Variants in CCDC3 observed in about 807,000 individuals in gnomAD.
CCDC3 encodes the protein coiled-coil domain-containing protein 3.
A neutral mutation model predicts 21.4 loss-of-function variants in CCDC3; 24 were observed. The observed-to-expected ratio is 1.12, with a 90% confidence interval of 0.81 to 1.58. The LOEUF is 1.58. Ranked by LOEUF, CCDC3 falls within the 40% of genes most tolerant of loss-of-function variation. The pLI, the probability that CCDC3 is intolerant of heterozygous loss-of-function variation, is 0.00. For synonymous variants in CCDC3, 186 were observed against 166.0 expected (o/e 1.12, Z -0.93); for missense variants, 425 against 360.9 (o/e 1.18, Z -1.44).
At chr10:13,010,650 C>T (rs1244735270) in intron 5 of CCDC3, among the ~76,000 whole-genome samples, 2 of 152,148 alleles carry the variant, frequency 1.3e-5, no homozygotes, top group Non-Finnish European at 1.5e-5. Flanking sequence ...TATAAAGACT[C>T]GTATATGAAT....
intron 5 of CCDC3, among the ~76,000 whole-genome samples, chr10:13,039,241 C>A (rs750036324): frequency 1.5e-4 from 23 of 152,050 alleles, no homozygotes; most frequent in Non-Finnish European, 2.2e-4. Context: ...CATAGTGAAA[C>A]CCCGTTTCTA....
At chr10:13,072,804 G>C (rs552891926) in intron 4 of CCDC3, among the ~76,000 whole-genome samples, 44 of 151,546 alleles carry the variant, frequency 2.9e-4, no homozygotes, top group South Asian at 6.2e-4. Flanking sequence ...GCAAAATTCT[G>C]CAACAATGAT....
intron 2 of CCDC3, among the ~76,000 whole-genome samples, chr10:12,940,226 ATTGTTTTTTT>A (rs897652051): frequency 8.4e-5 from 9 of 107,002 alleles, no homozygotes; most frequent in South Asian, 4.4e-4. Context: ...AATCATTGAA[ATTGTTTTTTT>A]TTTTTTTTTT....
intron 3 of CCDC3, chr10:13,074,154 T>TATATA (rs1491463766): frequency 1.8e-4 from 7 of 39,936 alleles, no homozygotes; most frequent in African/African-American, 8.6e-4. Context: ...TATATATATA[T>TATATA]TTTTTTTTTT....
At chr10:12,904,547 A>G (rs1049363409) in intron 2 of CCDC3, among the ~76,000 whole-genome samples, 1 of 147,580 alleles carries the variant, frequency 6.8e-6, no homozygotes, top group Admixed American at 6.8e-5. Flanking sequence ...ACCACAGGCC[A>G]ATGGGGAGGG....
At chr10:13,090,498 G>A (rs1182203765) in intron 3 of CCDC3, among the ~76,000 whole-genome samples, 2 of 152,194 alleles carry the variant, frequency 1.3e-5, no homozygotes, top group East Asian at 1.9e-4. Context: ...TCTCTGAGAA[G>A]GACTAAGTCC....
In CCDC3 at chr10:13,080,206, A is replaced by C. The variant is rs560256802; in HGVS notation, c.-502-6106T>G. 4.6e-5 allele frequency among the ~76,000 whole-genome samples: 7 copies of C among 152,270 alleles called. No homozygotes were observed. In the South Asian group the frequency reaches 1.5e-3, roughly 32 times the overall value. ...AACGGGATGGCAAAGAGAGAGAGAG[A>C]GAGAGCGAGAGCGAGCAAATGAAAG... is the stretch of plus-strand genomic sequence containing the variant. On this transcript the variant is annotated intron_variant, in intron 3 of 6. Coordinates refer to the CCDC3 transcript ENST00000378839.
At chr10:12,898,810 T>C in intron 2 of CCDC3, 131 bp from the exon 3 acceptor site, 1 of 1,080,018 alleles carries the variant, frequency 9.3e-7, no homozygotes, top group Non-Finnish European at 1.3e-6. Flanking sequence ...AGCATGGGCA[T>C]AAACCCCAGG....
intron 3 of CCDC3, among the ~76,000 whole-genome samples, chr10:13,087,429 G>A (rs965723548): frequency 3.3e-5 from 5 of 150,320 alleles, no homozygotes; most frequent in African/African-American, 1.2e-4. Context: ...AATGGTGCTA[G>A]GAACAGTGCT....
At chr10:13,014,843 A>T (rs1836031993) in intron 5 of CCDC3, among the ~76,000 whole-genome samples, 1 of 152,168 alleles carries the variant, frequency 6.6e-6, no homozygotes, top group Admixed American at 6.5e-5. Flanking sequence ...ACAGATATTT[A>T]AAAAGTATAT....
intron 2 of CCDC3, among the ~76,000 whole-genome samples, chr10:12,968,437 A>G (rs1263400036): frequency 6.6e-6 from 1 of 152,228 alleles, no homozygotes; most frequent in East Asian, 1.9e-4. Flanking sequence ...CCAACAAACA[A>G]AAGCTTAGTA....
At chr10:13,040,687 T>TCACTCACACA (rs1554763772) in intron 5 of CCDC3, among the ~76,000 whole-genome samples, 21 of 142,850 alleles carry the variant, frequency 1.5e-4, no homozygotes, top group African/African-American at 5.5e-4. Context: ...CAAAACTCTG[T>TCACTCACACA]CACACACACA....
chr10:12,905,453 G>A (rs1045425869), intron 2 of CCDC3, among the ~76,000 whole-genome samples: 1 of 152,208 alleles, frequency 6.6e-6, no homozygotes, highest in African/African-American at 2.4e-5. Context: ...GATGGGTTTG[G>A]AGGGCAGCTG....
chr10:13,000,674 T>G (rs989681599), intron 1 of CCDC3, among the ~76,000 whole-genome samples: 2 of 152,148 alleles, frequency 1.3e-5, no homozygotes, highest in African/African-American at 4.8e-5. Context: ...CTGGTCAACT[T>G]CTAACCTGCA....
At chr10:12,899,336 CAG>C (rs1336228335) in intron 2 of CCDC3, among the ~76,000 whole-genome samples, 20 of 152,278 alleles carry the variant, frequency 1.3e-4, no homozygotes, top group African/African-American at 4.6e-4. Context: ...GGCAAAATTT[CAG>C]AGTCAGGATT....
rs575318649 is a variant in CCDC3 at position 12,973,645 on chromosome 10, G to A, written c.549+24693C>T. On this transcript the variant is annotated intron_variant, in intron 2 of 2. Transcript: ENST00000378825. Reference sequence around the variant, plus strand: ...CAGTTTCCTTTTACTCACTGTACTCGTTACCCAACTTCTACTGGACTTGGG... The same window carrying A: ...CAGTTTCCTTTTACTCACTGTACTCATTACCCAACTTCTACTGGACTTGGG... Among the ~76,000 whole-genome samples the A allele has an allele frequency of 1.1e-4, 17 of 152,264 alleles. No homozygotes were observed. In the South Asian group the frequency reaches 2.1e-3, roughly 19 times the overall value.
At chr10:12,967,075 G>A (rs1023779895) in intron 2 of CCDC3, among the ~76,000 whole-genome samples, 12 of 152,152 alleles carry the variant, frequency 7.9e-5, no homozygotes, top group Non-Finnish European at 1.5e-4. Context: ...TTTACCCAGG[G>A]TGAGGCAGCT....
Position 12,935,668 on chromosome 10 carries a change from AT to A in CCDC3, c.550-36990del, listed in dbSNP as rs369781761. ...ATACACATACAACCAATCCAAGTAC[AT>A]TTTTTTTTTTTTTTGAGACGGAGTC... On this transcript the variant is annotated intron_variant, in intron 2 of 2. Coordinates refer to ENST00000378825, the MANE Select transcript of CCDC3 (RefSeq NM_031455.4). Among the ~76,000 whole-genome samples the A allele has an allele frequency of 8.2e-3, 1,148 of 140,806 alleles. 9 individuals are homozygous for A. Among genetic ancestry groups the A allele is most frequent in the African/African-American group, 0.022 (829 of 38,490 alleles). 92.4% of individuals were successfully genotyped at this position (140,806 alleles called of 152,430 possible).
At chr10:12,950,459 A>C (rs182490608) in intron 2 of CCDC3, among the ~76,000 whole-genome samples, 1 of 152,186 alleles carries the variant, frequency 6.6e-6, no homozygotes, top group Non-Finnish European at 1.5e-5. Flanking sequence ...GCAACAATCT[A>C]AAGAATTCAT....
Sources: gnomAD v4.1 joint callset for allele counts (sites outside exome capture counted in the v4.1 genomes callset) on GRCh38, gnomAD v4.1.1 for gene constraint, MANE v1.5 for transcripts, NCBI Gene and HGNC (gene_info 2026-07-23, HGNC 2026-07-21) for gene names.